The following CSMD1 variants were observed in gnomAD, a reference collection of about 807,000 sequenced individuals.
The protein encoded by CSMD1 is CUB and sushi domain-containing protein 1.
A neutral mutation model predicts 417.5 loss-of-function variants in CSMD1; 213 were observed. The ratio of observed to expected loss-of-function variants is 0.51; its 90% CI spans 0.46 to 0.57. CSMD1 has a LOEUF of 0.57. CSMD1 is among the 20% of genes least tolerant of loss of function. CSMD1 has a pLI of 0.00. For synonymous variants in CSMD1, 2,862 were observed against 1,736.8 expected (o/e 1.65, Z -16.11); for missense variants, 6,923 against 4,529.7 (o/e 1.53, Z -15.17).
chr8:4,026,620 T>C (rs939323757), intron 4 of CSMD1, among the ~76,000 whole-genome samples: 1 of 152,252 alleles, frequency 6.6e-6, no homozygotes, highest in Non-Finnish European at 1.5e-5. Context: ...TTAATGGTGG[T>C]ATCTTATCTC....
intron 49 of CSMD1, among the ~76,000 whole-genome samples, chr8:3,059,252 CAAAA>C (rs34479938): frequency 1.1e-4 from 15 of 140,110 alleles, no homozygotes; most frequent in Non-Finnish European, 1.2e-4. Flanking sequence ...CCCCAGACAT[CAAAA>C]AAAAAAAAAA....
At chr8:3,638,710 T>G (rs1006262120) in intron 7 of CSMD1, among the ~76,000 whole-genome samples, 1 of 152,062 alleles carries the variant, frequency 6.6e-6, no homozygotes, top group East Asian at 1.9e-4. Flanking sequence ...GCAAAAGGCT[T>G]GTGGTCAGAA....
intron 18 of CSMD1, among the ~76,000 whole-genome samples, chr8:3,370,091 C>T (rs1043149503): frequency 6.6e-6 from 1 of 152,206 alleles, no homozygotes; most frequent in African/African-American, 2.4e-5. Flanking sequence ...CTGATCAAAA[C>T]GTTATCTACT....
At chr8:3,904,428 G>C (rs796335477) in intron 5 of CSMD1, among the ~76,000 whole-genome samples, 11 of 152,062 alleles carry the variant, frequency 7.2e-5, no homozygotes, top group African/African-American at 2.4e-4. Context: ...TCTCAAACTT[G>C]AGTGTGTCTA....
At chr8:4,117,779 C>T (rs1232831561) in intron 3 of CSMD1, among the ~76,000 whole-genome samples, 2 of 152,066 alleles carry the variant, frequency 1.3e-5, no homozygotes, top group Non-Finnish European at 2.9e-5. Flanking sequence ...CAGGCCCATT[C>T]AGAGAATGTC....
chr8:4,464,821 T>C (rs1337025806), intron 2 of CSMD1, among the ~76,000 whole-genome samples: 1 of 152,112 alleles, frequency 6.6e-6, no homozygotes, highest in Non-Finnish European at 1.5e-5. Flanking sequence ...TTTGAAGTTT[T>C]GGGAGGAAAG....
intron 10 of CSMD1, among the ~76,000 whole-genome samples, chr8:3,542,429 G>C (rs181361052): frequency 2.6e-5 from 4 of 152,244 alleles, no homozygotes; most frequent in African/African-American, 7.2e-5. Context: ...TCTACGATTG[G>C]ATGTGCGTTA....
At chr8:3,877,840 T>C (rs1354121469) in intron 5 of CSMD1, among the ~76,000 whole-genome samples, 1 of 152,172 alleles carries the variant, frequency 6.6e-6, no homozygotes, top group Non-Finnish European at 1.5e-5. Context: ...CTGACTTAAA[T>C]TTTGTCTAAT....
intron 3 of CSMD1, among the ~76,000 whole-genome samples, chr8:4,122,445 A>C (rs561021316): frequency 6.6e-6 from 1 of 152,246 alleles, no homozygotes; most frequent in Non-Finnish European, 1.5e-5. Context: ...AGTTAGCAAT[A>C]GATCCAGGGT....
intron 26 of CSMD1, among the ~76,000 whole-genome samples, chr8:3,281,705 G>A (rs1487200302): frequency 6.6e-6 from 1 of 152,114 alleles, no homozygotes; most frequent in Non-Finnish European, 1.5e-5. Flanking sequence ...AGAACACAGG[G>A]AATTGTTAGG....
intron 5 of CSMD1, among the ~76,000 whole-genome samples, chr8:3,917,158 G>A (rs1370420084): frequency 1.3e-4 from 20 of 152,158 alleles, no homozygotes; most frequent in Admixed American, 1.3e-3. Context: ...GCTGCACAGA[G>A]GAATAACGAT....
chr8:3,540,651 T>G (rs1045884855), intron 10 of CSMD1, among the ~76,000 whole-genome samples: 1 of 151,568 alleles, frequency 6.6e-6, no homozygotes, highest in Non-Finnish European at 1.5e-5. Context: ...AGGGCTAATA[T>G]CCAGAATCTA....
intron 3 of CSMD1, among the ~76,000 whole-genome samples, chr8:4,225,027 G>A (rs936705047): frequency 5.9e-5 from 9 of 152,128 alleles, no homozygotes; most frequent in South Asian, 2.1e-4. Flanking sequence ...CAAGACAATC[G>A]CTTGAACCCT....
At chr8:4,228,839 G>C (rs1801526165) in intron 3 of CSMD1, among the ~76,000 whole-genome samples, 1 of 151,856 alleles carries the variant, frequency 6.6e-6, no homozygotes, top group African/African-American at 2.4e-5. Context: ...GCACCACTGT[G>C]CCCAGCTAAT....
chr8:3,107,864 C>T lies in CSMD1; in HGVS notation c.6755-66G>A, dbSNP rs527414248. On this transcript the variant is annotated intron_variant, in intron 44 of 69. Transcript: ENST00000635120. Reference sequence around the variant, plus strand: ...ACTTGCTGAATAAACACAACTATTACAAAACATTCATCTTGCAGTTGTTAT... The same window carrying T: ...ACTTGCTGAATAAACACAACTATTATAAAACATTCATCTTGCAGTTGTTAT... 1.7e-5 allele frequency: 17 copies of T among 992,436 alleles called. 1 individual carries two copies. In the South Asian group the frequency reaches 2.4e-4, roughly 14 times the overall value. 61.5% of individuals were successfully genotyped at this position (992,436 alleles called of 1,614,324 possible). A position where few individuals can be genotyped will look rare whatever the true frequency, so the allele number is the denominator to read the frequency against.
intron 2 of CSMD1, among the ~76,000 whole-genome samples, chr8:4,546,650 C>T (rs557463244): frequency 1.3e-3 from 193 of 152,240 alleles, no homozygotes; most frequent in African/African-American, 4.2e-3. Context: ...GGCTGAGTTA[C>T]GCCAATGGCT....
intron 1 of CSMD1, among the ~76,000 whole-genome samples, chr8:4,699,923 C>A (rs1807408160): frequency 6.6e-6 from 1 of 152,192 alleles, no homozygotes; most frequent in Non-Finnish European, 1.5e-5. Context: ...AAATCCCTAT[C>A]TGGATACACA....
chr8:4,507,182 G>A (rs1802573661), intron 2 of CSMD1, among the ~76,000 whole-genome samples: 1 of 151,948 alleles, frequency 6.6e-6, no homozygotes, highest in African/African-American at 2.4e-5. Flanking sequence ...AAAAAGTATT[G>A]CCATCTGTTT....
At chr8:4,649,601 A>G (rs1355738102) in intron 1 of CSMD1, among the ~76,000 whole-genome samples, 2 of 152,334 alleles carry the variant, frequency 1.3e-5, no homozygotes, top group African/African-American at 4.8e-5. Flanking sequence ...GTGTCTACAA[A>G]TTCCACTACA....
Sources: allele counts gnomAD v4.1 joint callset (sites outside exome capture counted in the v4.1 genomes callset), GRCh38; gene constraint gnomAD v4.1.1; transcripts MANE v1.5; gene names NCBI Gene and HGNC (gene_info 2026-07-23, HGNC 2026-07-21).